The following CYLC2 variants were observed in gnomAD, a reference collection of about 807,000 sequenced individuals.
The protein encoded by CYLC2 is cylicin 2, also known as cylicin-2.
A neutral mutation model predicts 26.1 loss-of-function variants in CYLC2; 30 were observed. The ratio of observed to expected loss-of-function variants is 1.15; its 90% CI spans 0.86 to 1.56. The LOEUF is 1.56. Among genes scored for constraint, CYLC2 ranks in the 40% most tolerant of loss-of-function variants. CYLC2 has a pLI of 0.00. For missense variants in CYLC2, 498 were observed against 394.4 expected (o/e 1.26, Z -2.23); for synonymous variants, 158 against 132.8 (o/e 1.19, Z -1.31).
intron 3 of CYLC2, among the ~76,000 whole-genome samples, 162 bp downstream of exon 3, chr9:103,003,425 G>C (rs1433982008): frequency 1.3e-5 from 2 of 152,060 alleles, no homozygotes; most frequent in African/African-American, 4.8e-5. Flanking sequence ...TGACCAACAA[G>C]TTTCTGCAAT....
rs1414577455 is a variant in CYLC2, at chr9:103,003,182, TG to T, written c.100del (p.Ala34ProfsTer28). 1 of 1,613,828 alleles carries T rather than the reference TG, an allele frequency of 6.2e-7. No homozygotes were observed. The highest frequency in any genetic ancestry group is 8.5e-7 in the Non-Finnish European group (1 of 1,179,802). The stretch of plus-strand genomic sequence containing the variant: ...AAAAATCATGGAATCAGCAACACTT[TG>T]CCCTGTTATTTCCCAAACCACAACG... ...SKKSWNQQHF[A>X]LLFPKPQRPG... is the part of the protein sequence containing the mutation. On this transcript the variant is annotated frameshift_variant, in exon 3 of 8. Coordinates refer to ENST00000374798, the MANE Select transcript of CYLC2 (RefSeq NM_001340.5). LOFTEE classifies it high-confidence loss of function.
chr9:103,014,503 A>ATGTATAT (rs1303872369), intron 6 of CYLC2, among the ~76,000 whole-genome samples: 4 of 141,022 alleles, frequency 2.8e-5, no homozygotes, highest in African/African-American at 5.1e-5. Flanking sequence ...TATACATAAT[A>ATGTATAT]TATGTAATAT....
rs531491510 is a variant in CYLC2 at position 103,009,162 on chromosome 9, T to C, written c.*700+2784T>C. Among the ~76,000 whole-genome samples, 3 of 152,272 alleles carry C rather than the reference T, an allele frequency of 2.0e-5. No homozygotes were observed. In the South Asian group the frequency reaches 6.2e-4, roughly 32 times the overall value. On this transcript the variant is annotated intron_variant, in intron 5 of 7. Coordinates refer to ENST00000374798, the MANE Select transcript of CYLC2 (RefSeq NM_001340.5). ...CATCACACTGTTGACTCCTTCAAAA[T>C]AGTCATTCTCAGCTTACATTTTACA...
In CYLC2 at chr9:103,006,153, T is replaced by C. The variant is rs980780659; in HGVS notation, c.*475T>C. On this transcript the variant is annotated 3_prime_UTR_variant, in exon 5 of 8. Coordinates refer to ENST00000374798, the MANE Select transcript of CYLC2 (RefSeq NM_001340.5). ...AATAATCTCAAGCTGCATCCACAGA[T>C]ACAAAAAAATATAGGAGCCATGAAA... The C allele has an allele frequency of 1.3e-5, 2 of 148,704 alleles. No individual in the cohort carries two copies. The highest frequency in any genetic ancestry group is 6.8e-5 in the Admixed American group (1 of 14,746). 9.2% of individuals were successfully genotyped at this position (148,704 alleles called of 1,614,324 possible).
In CYLC2 at chr9:103,010,010, T is replaced by TAC. The variant is rs572796361; in HGVS notation, c.*701-1970_*701-1969dup. Among the ~76,000 whole-genome samples, 101 of 151,702 alleles carry TAC rather than the reference T, an allele frequency of 6.7e-4. 1 individual carries two copies. The highest frequency in any genetic ancestry group is 2.3e-3 in the African/African-American group (97 of 41,382). On this transcript the variant is annotated intron_variant, in intron 5 of 7. Transcript: ENST00000374798. Reference sequence around the variant, plus strand: ...ACATGTATGTGTATATATATATATATACATGTCAATATAACAAAAATAGAA... The same window carrying TAC: ...ACATGTATGTGTATATATATATATATACACATGTCAATATAACAAAAATAGAA...
At chr9:103,017,644 A>G (rs1460625849) in intron 7 of CYLC2, among the ~76,000 whole-genome samples, 1 of 152,068 alleles carries the variant, frequency 6.6e-6, no homozygotes, top group African/African-American at 2.4e-5. Flanking sequence ...TCCCTCTGTA[A>G]CTTTTCCTAG....
intron 5 of CYLC2, among the ~76,000 whole-genome samples, chr9:103,010,195 T>C (rs933859564): frequency 6.6e-6 from 1 of 152,056 alleles, no homozygotes; most frequent in African/African-American, 2.4e-5. Flanking sequence ...ATATACCAAG[T>C]TAATTATGTA....
At position 103,005,116 on chromosome 9, in the gene CYLC2, A is replaced by T. The variant is rs1429149361; in HGVS notation, c.485A>T (p.Lys162Ile). ...EEKLDAKKDS[K>I]KGKKDAEKGK... is the part of the protein sequence containing the mutation. The stretch of plus-strand genomic sequence containing the variant: ...AAGCTAGATGCAAAGAAAGATAGCA[A>T]AAAAGGTAAAAAGGATGCAGAGAAG... The change falls in exon 5 of 8, where the codon AAA (lysine) becomes ATA (isoleucine). Residue 162 changes from lysine (K) to isoleucine (I), a missense_variant. Coordinates refer to ENST00000374798, the MANE Select transcript of CYLC2 (RefSeq NM_001340.5). 6.2e-7 allele frequency: 1 copy of T among 1,607,576 alleles called. No individual in the cohort carries two copies.
chr9:103,010,494 CAG>C (rs935865247), intron 5 of CYLC2, among the ~76,000 whole-genome samples: 5 of 152,038 alleles, frequency 3.3e-5, no homozygotes, highest in Non-Finnish European at 7.4e-5. Flanking sequence ...TAAATTTGCA[CAG>C]AGAGTGCAAA....
In CYLC2 at chr9:103,005,258, A is replaced by G. The variant is rs1325476178; in HGVS notation, c.627A>G (p.Glu209=). Residue 209 remains glutamate, a synonymous_variant, in exon 5 of 8, where the codon GAA becomes GAG. Coordinates refer to ENST00000374798, the MANE Select transcript of CYLC2 (RefSeq NM_001340.5). ...GKDSATESEG[E]KGGTEKDSKK... ...ACTCGGCAACAGAATCTGAAGGTGA[A>G]AAAGGAGGTACAGAGAAAGATAGCA... The G allele has an allele frequency of 8.1e-6, 13 of 1,613,478 alleles. No homozygotes were observed. In the South Asian group the frequency reaches 1.4e-4, roughly 18 times the overall value.
At chr9:102,996,428 T>A (rs1829238063) in intron 1 of CYLC2, among the ~76,000 whole-genome samples, 1 of 151,962 alleles carries the variant, frequency 6.6e-6, no homozygotes, top group African/African-American at 2.4e-5. Context: ...GTTAGAAACC[T>A]CTTTTTGGTC....
Position 103,005,001 on chromosome 9 carries a change from C to G in CYLC2, c.370C>G (p.Gln124Glu). 1.3e-6 allele frequency: 2 copies of G among 1,587,786 alleles called. No homozygotes were observed. Among genetic ancestry groups the G allele is most frequent in the South Asian group, 2.3e-5 (2 of 86,110 alleles). The change falls in exon 5 of 8, where the codon CAG becomes GAG. Residue 124 changes from glutamine (Q) to glutamate (E), a missense_variant. Coordinates refer to ENST00000374798, the MANE Select transcript of CYLC2 (RefSeq NM_001340.5). Reference sequence around the variant, plus strand: ...TAAGAAAGGTGAAGACAAGACAACACAGAAGGACACAACAGATTCGGAATC... The same window carrying G: ...TAAGAAAGGTGAAGACAAGACAACAGAGAAGGACACAACAGATTCGGAATC... ...IGKKGEDKTT[Q>E]KDTTDSESEL... is the part of the protein sequence containing the mutation.
intron 1 of CYLC2, among the ~76,000 whole-genome samples, chr9:102,999,301 T>A (rs1013160713): frequency 2.0e-5 from 3 of 151,910 alleles, no homozygotes; most frequent in Admixed American, 1.3e-4. Flanking sequence ...TATCATATAA[T>A]CATTAAACTA....
At chr9:103,003,500 C>A (rs1293085813) in intron 3 of CYLC2, among the ~76,000 whole-genome samples, 1 of 152,008 alleles carries the variant, frequency 6.6e-6, no homozygotes, top group African/African-American at 2.4e-5. Flanking sequence ...GCTAGTGCAA[C>A]TAAGGAATTG....
In CYLC2 at chr9:103,005,730, A is replaced by C; in HGVS notation, c.*52A>C. The C allele has an allele frequency of 6.5e-7, 1 of 1,538,284 alleles. No individual in the cohort carries two copies. Among genetic ancestry groups the C allele is most frequent in the Non-Finnish European group, 8.8e-7 (1 of 1,142,612 alleles). On this transcript the variant is annotated 3_prime_UTR_variant, in exon 5 of 8. Transcript: ENST00000374798. ...GAATAATTCAAAAGCATATTTGATG[A>C]AACAATAGTGGTAGTCTGCAGCTGA...
chr9:103,005,739 T>C lies in CYLC2; in HGVS notation c.*61T>C. On this transcript the variant is annotated 3_prime_UTR_variant, in exon 5 of 8. Transcript: ENST00000374798. ...AAAAGCATATTTGATGAAACAATAG[T>C]GGTAGTCTGCAGCTGAATTTGTGAG... The C allele has an allele frequency of 6.6e-7, 1 of 1,507,854 alleles. No homozygotes were observed. The highest frequency in any genetic ancestry group is 2.2e-5 in the Admixed American group (1 of 45,704). The allele number at this position is 1,507,854 out of a possible 1,614,324, so 93.4% of individuals were successfully genotyped here. A position where few individuals can be genotyped will look rare whatever the true frequency, so the allele number is the denominator to read the frequency against.
chr9:102,999,081 T>C (rs761018444), intron 1 of CYLC2, among the ~76,000 whole-genome samples: 11 of 151,900 alleles, frequency 7.2e-5, no homozygotes, highest in Admixed American at 2.0e-4. Context: ...TGAACATTTT[T>C]GTCTAAGTCT....
chr9:103,001,438 A>C, intron 1 of CYLC2, 140 bp from the exon 2 acceptor site: 1 of 623,464 alleles, frequency 1.6e-6, no homozygotes. Flanking sequence ...GAGATGAAGT[A>C]ATCTTATATA....
At position 103,005,458 on chromosome 9, in the gene CYLC2, A is replaced by G. The variant is rs975652915; in HGVS notation, c.827A>G (p.Lys276Arg). Reference sequence around the variant, plus strand: ...AAAAAAGGTAAGAAAGATAAGAAGAAGCCCAGTAGTACAGACAGTGACTCA... The same window carrying G: ...AAAAAAGGTAAGAAAGATAAGAAGAGGCCCAGTAGTACAGACAGTGACTCA... Reference protein sequence around the residue: ...EIKKGKKDKKKPSSTDSDSKD... With the variant: ...EIKKGKKDKKRPSSTDSDSKD... Residue 276 changes from lysine (K) to arginine (R), a missense_variant, in exon 5 of 8, where the codon AAG (lysine) becomes AGG (arginine). Physicochemically the swap from Lys to Arg is conservative, Grantham distance 26. Coordinates refer to ENST00000374798, the MANE Select transcript of CYLC2 (RefSeq NM_001340.5). 1.2e-6 allele frequency: 2 copies of G among 1,613,340 alleles called. No individual in the cohort carries two copies. Among genetic ancestry groups the G allele is most frequent in the African/African-American group, 2.7e-5 (2 of 74,878 alleles).
Sources: allele counts gnomAD v4.1 joint callset (sites outside exome capture counted in the v4.1 genomes callset), GRCh38; gene constraint gnomAD v4.1.1; transcripts MANE v1.5; gene names NCBI Gene and HGNC (gene_info 2026-07-23, HGNC 2026-07-21).